WFDC10B: variants seen among roughly 807,000 people sequenced by gnomAD.
WFDC10B encodes the protein protein WFDC10B.
In WFDC10B, 1 loss-of-function variant was observed where a neutral mutation model predicts 2.7. That is an observed-to-expected ratio of 0.38 (90% confidence interval 0.13 to 1.79). WFDC10B has a LOEUF of 1.79. Among genes scored for constraint, WFDC10B ranks in the 40% most tolerant of loss-of-function variants. WFDC10B has a pLI of 0.33. For synonymous variants in WFDC10B, 26 were observed against 32.2 expected (o/e 0.81, Z 0.65); for missense variants, 71 against 87.8 (o/e 0.81, Z 0.76).
chr20:45,688,427 C>A (rs1025772421), intron 2 of WFDC10B, among the ~76,000 whole-genome samples: 3 of 151,994 alleles, frequency 2.0e-5, no homozygotes, highest in African/African-American at 7.2e-5. Context: ...ATTTCTAGTT[C>A]TAGATCCCTG....
At chr20:45,690,694 A>G (rs2145636329) in intron 2 of WFDC10B, among the ~76,000 whole-genome samples, 1 of 151,984 alleles carries the variant, frequency 6.6e-6, no homozygotes, top group Non-Finnish European at 1.5e-5. Flanking sequence ...ATACCCCTTT[A>G]TCATTTTTTA....
chr20:45,693,784 G>A (rs1028718165), intron 2 of WFDC10B, among the ~76,000 whole-genome samples: 4 of 152,226 alleles, frequency 2.6e-5, no homozygotes, highest in African/African-American at 9.6e-5. Context: ...CGCTTCCCGA[G>A]TGAGGCAATG....
chr20:45,696,873 T>C (rs1487257073), intron 2 of WFDC10B, among the ~76,000 whole-genome samples: 1 of 152,106 alleles, frequency 6.6e-6, no homozygotes, highest in African/African-American at 2.4e-5. Flanking sequence ...CTCAAAGTTT[T>C]CCAATCTTAA....
At position 45,704,547 on chromosome 20, in the gene WFDC10B, C is replaced by A. The variant is rs772040401; in HGVS notation, c.-115G>T. On this transcript the variant is annotated 5_prime_UTR_variant, in exon 2 of 4. It adds an upstream start codon to the 5' untranslated region. Coordinates refer to ENST00000330523, the MANE Select transcript of WFDC10B (RefSeq NM_172006.2). ...AGAAAGGATTTCAGTGCTGTTCCTCCTTCTGTGGGATAGTCTGTTCATCAG... is the reference window on the plus strand; with the variant it reads ...AGAAAGGATTTCAGTGCTGTTCCTCATTCTGTGGGATAGTCTGTTCATCAG... The A allele has an allele frequency of 6.2e-7, 1 of 1,614,178 alleles. No individual in the cohort carries two copies. The highest frequency in any genetic ancestry group is 1.1e-5 in the South Asian group (1 of 91,082).
In WFDC10B at chr20:45,703,132, G is replaced by A. The variant is rs149768872; in HGVS notation, c.-65+1365C>T. ...TGGTAAATGCTGTGAGTGAAGTTGG[G>A]ACCAGATACCCAGAAGAGGGGTCAA... On this transcript the variant is annotated intron_variant, in intron 2 of 3. Transcript: ENST00000330523. Among the ~76,000 whole-genome samples, 105 of 152,282 alleles carry A rather than the reference G, an allele frequency of 6.9e-4. No individual in the cohort carries two copies. In the South Asian group the frequency reaches 0.01, roughly 15 times the overall value.
intron 2 of WFDC10B, chr20:45,701,974 T>A: frequency 1.5e-6 from 1 of 670,810 alleles, no homozygotes; most frequent in East Asian, 2.8e-5. Flanking sequence ...CTTGGATTCC[T>A]GCCCTGCCGG....
At chr20:45,696,341 G>A (rs549171553) in intron 2 of WFDC10B, among the ~76,000 whole-genome samples, 3 of 146,522 alleles carry the variant, frequency 2.0e-5, no homozygotes, top group South Asian at 2.2e-4. Flanking sequence ...TACATCATAC[G>A]AAACTAGAAA....
At chr20:45,691,424 G>A (rs1983808880) in intron 2 of WFDC10B, among the ~76,000 whole-genome samples, 1 of 150,424 alleles carries the variant, frequency 6.6e-6, no homozygotes, top group African/African-American at 2.5e-5. Context: ...TCTGTCTAAT[G>A]TTGACAGTGG....
At chr20:45,690,992 TAC>T (rs1983794407) in intron 2 of WFDC10B, among the ~76,000 whole-genome samples, 1 of 152,244 alleles carries the variant, frequency 6.6e-6, no homozygotes, top group African/African-American at 2.4e-5. Flanking sequence ...AATTTCCCTC[TAC>T]ACACTGCTTT....
chr20:45,697,262 G>A (rs1333534181), intron 2 of WFDC10B, among the ~76,000 whole-genome samples: 1 of 151,820 alleles, frequency 6.6e-6, no homozygotes, highest in Non-Finnish European at 1.5e-5. Flanking sequence ...GCTATGAAAG[G>A]ATAAAATACC....
At chr20:45,693,162 G>A (rs1226086128) in intron 2 of WFDC10B, among the ~76,000 whole-genome samples, 3 of 152,186 alleles carry the variant, frequency 2.0e-5, no homozygotes, top group Non-Finnish European at 4.4e-5. Context: ...AACCGCGAAT[G>A]CTACTGTCTG....
chr20:45,688,786 A>G (rs1983712183), intron 2 of WFDC10B, among the ~76,000 whole-genome samples: 2 of 152,172 alleles, frequency 1.3e-5, no homozygotes, highest in African/African-American at 2.4e-5. Flanking sequence ...CTCCCATTTT[A>G]TGGGTTGCCT....
intron 2 of WFDC10B, among the ~76,000 whole-genome samples, chr20:45,694,571 A>G (rs1263581468): frequency 6.6e-6 from 1 of 152,250 alleles, no homozygotes; most frequent in East Asian, 1.9e-4. Flanking sequence ...GAAGCACTAC[A>G]AAATAGTTGG....
chr20:45,695,845 GTGGTATGCACCTGTA>G (rs1234575189), intron 2 of WFDC10B, among the ~76,000 whole-genome samples: 1 of 151,988 alleles, frequency 6.6e-6, no homozygotes, highest in African/African-American at 2.4e-5. Flanking sequence ...ACTGGGCATG[GTGGTATGCACCTGTA>G]GTCCCAACTA....
At chr20:45,704,461 C>G (rs1984303572) in intron 2 of WFDC10B, 36 bp downstream of exon 2, 1 of 1,613,668 alleles carries the variant, frequency 6.2e-7, no homozygotes. Flanking sequence ...CTTGGAACCT[C>G]CACCCTGCAT....
At chr20:45,690,676 C>T (rs1022208200) in intron 2 of WFDC10B, among the ~76,000 whole-genome samples, 20 of 152,108 alleles carry the variant, frequency 1.3e-4, no homozygotes, top group African/African-American at 3.6e-4. Context: ...TCTGTGGGAT[C>T]GGTGGTGATA....
At chr20:45,685,084 T>C in intron 3 of WFDC10B, 124 bp from the exon 4 acceptor site, 1 of 1,239,078 alleles carries the variant, frequency 8.1e-7, no homozygotes, top group Non-Finnish European at 1.1e-6. Flanking sequence ...CCTGGACTCT[T>C]CAGGGAACTT....
At chr20:45,698,968 A>T (rs1984061415) in intron 2 of WFDC10B, among the ~76,000 whole-genome samples, 1 of 11,192 alleles carries the variant, frequency 8.9e-5, no homozygotes, top group Non-Finnish European at 1.7e-4. Flanking sequence ...AATCCATCTA[A>T]AAAAAAAAAA....
At chr20:45,704,849 C>T in intron 1 of WFDC10B, 69 bp downstream of exon 1, 1 of 1,519,362 alleles carries the variant, frequency 6.6e-7, no homozygotes, top group Non-Finnish European at 9.1e-7. Flanking sequence ...TCTGAACACA[C>T]CCACAAATGC....
Sources: gnomAD v4.1 joint callset for allele counts (sites outside exome capture counted in the v4.1 genomes callset) on GRCh38, gnomAD v4.1.1 for gene constraint, MANE v1.5 for transcripts, NCBI Gene and HGNC (gene_info 2026-07-23, HGNC 2026-07-21) for gene names.